Variants in KAZN observed in about 807,000 individuals in gnomAD.
KAZN encodes the protein kazrin.
A neutral mutation model predicts 87.4 loss-of-function variants in KAZN; 40 were observed. The observed-to-expected ratio is 0.46, with a 90% confidence interval of 0.36 to 0.60. KAZN has a LOEUF of 0.60. Among genes scored for constraint, KAZN ranks in the 20% least tolerant of loss-of-function variants. The pLI is 0.00. For missense variants in KAZN, 898 were observed against 1,073.9 expected (o/e 0.84, Z 2.29); for synonymous variants, 466 against 458.3 (o/e 1.02, Z -0.22).
rs1646892741 is a variant in KAZN at position 14,213,281 on chromosome 1, G to C, written c.249+32689G>C. 1.3e-5 allele frequency among the ~76,000 whole-genome samples: 2 copies of C among 152,140 alleles called. 1 individual carries two copies. Among genetic ancestry groups the C allele is most frequent in the South Asian group, 4.1e-4 (2 of 4,830 alleles). On this transcript the variant is annotated intron_variant, in intron 2 of 16. Coordinates refer to the KAZN transcript ENST00000636203. ...TGGCTCACTGTTCTCACTGGGTCAT[G>C]CAGAGTCCTTCTCTCGTGCTACTAA...
intron 1 of KAZN, among the ~76,000 whole-genome samples, chr1:14,681,691 T>TGAGACGGAG: frequency 1.5e-5 from 1 of 65,642 alleles, no homozygotes; most frequent in Non-Finnish European, 2.7e-5. Flanking sequence ...TTTTTTTTTT[T>TGAGACGGAG]TTTGAGACGG....
intron 1 of KAZN, among the ~76,000 whole-genome samples, chr1:14,755,471 G>A (rs973485544): frequency 2.6e-5 from 4 of 152,104 alleles, no homozygotes; most frequent in African/African-American, 4.8e-5. Flanking sequence ...TATGTCGTGT[G>A]GTTGTAGATT....
chr1:14,660,541 C>CTTT (rs1156503750), intron 1 of KAZN, among the ~76,000 whole-genome samples: 76 of 76,034 alleles, frequency 1.0e-3, no homozygotes, highest in Non-Finnish European at 1.3e-3. Flanking sequence ...CTCTCTCTCT[C>CTTT]TTTTTTTTTT....
intron 2 of KAZN, among the ~76,000 whole-genome samples, chr1:14,312,940 A>G (rs1340814538): frequency 6.6e-6 from 1 of 152,192 alleles, no homozygotes; most frequent in Non-Finnish European, 1.5e-5. Flanking sequence ...ACTCTGGAAC[A>G]GAGGACCCAG....
At chr1:14,595,680 C>CAAAAAAAAAA (rs34080804), upstream of KAZN, among the ~76,000 whole-genome samples, 2 of 96,648 alleles carry the variant, frequency 2.1e-5, no homozygotes, top group East Asian at 2.9e-4. Context: ...GACTGCGTCT[C>CAAAAAAAAAA]AAAAAAAAAA....
chr1:14,464,771 C>A (rs1223537728), intron 2 of KAZN, among the ~76,000 whole-genome samples: 1 of 151,934 alleles, frequency 6.6e-6, no homozygotes, highest in Non-Finnish European at 1.5e-5. Flanking sequence ...AAACTCCTGA[C>A]CTCAAGTGAT....
intron 2 of KAZN, among the ~76,000 whole-genome samples, chr1:14,181,600 T>C (rs1228023517): frequency 2.0e-5 from 3 of 152,166 alleles, no homozygotes; most frequent in Non-Finnish European, 4.4e-5. Context: ...TGAGGCCCTC[T>C]GTTGAGATGG....
At position 14,335,277 on chromosome 1, in the gene KAZN, A is replaced by G. The variant is rs1657169886; in HGVS notation, c.249+154685A>G. Among the ~76,000 whole-genome samples the G allele has an allele frequency of 2.0e-5, 3 of 148,310 alleles. No individual in the cohort carries two copies. In the Admixed American group the frequency reaches 2.0e-4, roughly 10 times the overall value. On this transcript the variant is annotated intron_variant, in intron 2 of 16. Coordinates refer to the KAZN transcript ENST00000636203. ...GAATGTAGTGGTGCGATCTCGGCTC[A>G]CTGCAACCTCCACCTCCTGAGTTGA... is the stretch of plus-strand genomic sequence containing the variant.
chr1:14,806,352 C>T (rs964634603), intron 1 of KAZN, among the ~76,000 whole-genome samples: 34 of 152,300 alleles, frequency 2.2e-4, no homozygotes, highest in African/African-American at 7.0e-4. Context: ...CATGGCCTGC[C>T]GTGTTCATTT....
chr1:14,894,507 G>A (rs925297086), intron 1 of KAZN, among the ~76,000 whole-genome samples: 9 of 152,228 alleles, frequency 5.9e-5, no homozygotes, highest in African/African-American at 2.2e-4. Flanking sequence ...GTGCCTCATG[G>A]CACGTGACAC....
At position 14,598,779 on chromosome 1, in the gene KAZN, T is replaced by TC. The variant is rs1389885736; in HGVS notation, c.-213dup. On this transcript the variant is annotated 5_prime_UTR_variant, in exon 1 of 15. Coordinates refer to ENST00000376030, the MANE Select transcript of KAZN (RefSeq NM_201628.3). The surrounding 1 kb of genome is among the most constrained non-coding windows in gnomAD (Gnocchi z 4.2). ...CTCCTCTTTTTTCTCCTCCGCCTCC[T>TC]CCCCCCGCCGCCTCGCCACCGCCGC... 7.4e-7 allele frequency: 1 copy of TC among 1,348,338 alleles called. No homozygotes were observed. The highest frequency in any genetic ancestry group is 9.5e-7 in the Non-Finnish European group (1 of 1,056,046). 83.5% of individuals were successfully genotyped at this position (1,348,338 alleles called of 1,614,324 possible). A position where few individuals can be genotyped will look rare whatever the true frequency, so the allele number is the denominator to read the frequency against.
At chr1:14,521,323 C>T (rs150999424) in intron 2 of KAZN, among the ~76,000 whole-genome samples, 232 of 152,348 alleles carry the variant, frequency 1.5e-3, no homozygotes, top group African/African-American at 5.3e-3. Context: ...ATGTCGCCCT[C>T]ACTGCATTTA....
At chr1:14,677,951 G>A (rs1161643134) in intron 1 of KAZN, among the ~76,000 whole-genome samples, 2 of 152,202 alleles carry the variant, frequency 1.3e-5, no homozygotes, top group Admixed American at 6.5e-5. Context: ...GCAGAAATGG[G>A]CTGTTTGGGG....
Position 14,648,670 on chromosome 1 carries a change from C to T in KAZN, c.226+49447C>T, listed in dbSNP as rs185184761. On this transcript the variant is annotated intron_variant, in intron 1 of 14. Coordinates refer to ENST00000376030, the MANE Select transcript of KAZN (RefSeq NM_201628.3). Reference sequence around the variant, plus strand: ...AGCAACTTCCAAGTTGACCATTAGACACAAGGATAGAACCTTTGCTTCAAG... The same window carrying T: ...AGCAACTTCCAAGTTGACCATTAGATACAAGGATAGAACCTTTGCTTCAAG... 1.0e-3 allele frequency among the ~76,000 whole-genome samples: 159 copies of T among 152,272 alleles called. 2 individuals are homozygous for T. Among genetic ancestry groups the T allele is most frequent in the African/African-American group, 3.7e-3 (154 of 41,554 alleles).
chr1:14,411,741 CAT>C (rs1454002373), intron 2 of KAZN, among the ~76,000 whole-genome samples: 4 of 152,018 alleles, frequency 2.6e-5, no homozygotes, highest in East Asian at 1.9e-4. Flanking sequence ...ATGAAAAAAA[CAT>C]GTGATTCAAC....
intron 1 of KAZN, among the ~76,000 whole-genome samples, chr1:14,673,066 G>C (rs1640006788): frequency 6.6e-6 from 1 of 152,252 alleles, no homozygotes; most frequent in South Asian, 2.1e-4. Flanking sequence ...GGTGTTCAAA[G>C]ATCAGCGTGG....
At chr1:14,681,643 A>G (rs78775309) in intron 1 of KAZN, among the ~76,000 whole-genome samples, 11 of 9,990 alleles carry the variant, frequency 1.1e-3, no homozygotes, top group Admixed American at 3.4e-3. Context: ...ATATATATAT[A>G]TATATATATA....
intron 2 of KAZN, among the ~76,000 whole-genome samples, chr1:14,513,299 C>T (rs1162451394): frequency 2.0e-5 from 3 of 152,190 alleles, no homozygotes; most frequent in Non-Finnish European, 2.9e-5. Context: ...CTCCGACTCC[C>T]ACAGTCAGAA....
intron 2 of KAZN, among the ~76,000 whole-genome samples, chr1:14,381,237 T>C (rs1474202870): frequency 6.6e-6 from 1 of 152,130 alleles, no homozygotes; most frequent in Non-Finnish European, 1.5e-5. Flanking sequence ...CACCCAACAC[T>C]GGAGCACTCA....
Sources: gnomAD v4.1 joint callset for allele counts (sites outside exome capture counted in the v4.1 genomes callset) on GRCh38, gnomAD v4.1.1 for gene constraint, Gnocchi (gnomAD v3.1) non-coding constraint, MANE v1.5 for transcripts, NCBI Gene and HGNC (gene_info 2026-07-23, HGNC 2026-07-21) for gene names.